SLC39A11: variants seen among roughly 807,000 people sequenced by gnomAD.
The protein encoded by SLC39A11 is solute carrier family 39 member 11.
A neutral mutation model predicts 36.1 loss-of-function variants in SLC39A11; 33 were observed. The observed-to-expected ratio is 0.91, with a 90% CI of 0.69 to 1.22. The LOEUF is 1.22. Ranked by LOEUF, SLC39A11 falls within the 50% of genes most tolerant of loss-of-function variation. The probability of loss-of-function intolerance (pLI) is 0.00; values close to 1 mark genes in which losing one functional copy is unlikely to be tolerated. For synonymous variants in SLC39A11, 166 were observed against 170.3 expected, an observed-to-expected ratio of 0.97 and a Z score of 0.20; for missense variants, 432 against 430.3, an observed-to-expected ratio of 1.00 and a Z score of -0.03.
chr17:72,781,096 C>G (rs1208281024), intron 6 of SLC39A11, among the ~76,000 whole-genome samples: 2 of 152,240 alleles, frequency 1.3e-5, no homozygotes, highest in African/African-American at 4.8e-5. Flanking sequence ...CCTTCGGTCT[C>G]TCTCCTCTTT....
intron 7 of SLC39A11, among the ~76,000 whole-genome samples, chr17:72,660,286 C>T (rs1404048122): frequency 1.3e-5 from 2 of 152,284 alleles, no homozygotes; most frequent in East Asian, 1.9e-4. Flanking sequence ...CGAGGTCCTC[C>T]GGCTAGAATA....
chr17:72,919,092 C>T (rs1051572721), intron 5 of SLC39A11, among the ~76,000 whole-genome samples: 4 of 151,966 alleles, frequency 2.6e-5, no homozygotes, highest in Admixed American at 6.6e-5. Context: ...AAATAAATCA[C>T]GCTCATAACC....
At chr17:72,896,077 G>A (rs749398874) in intron 5 of SLC39A11, among the ~76,000 whole-genome samples, 5 of 151,008 alleles carry the variant, frequency 3.3e-5, no homozygotes, top group East Asian at 1.9e-4. Context: ...CTATGAAAAC[G>A]GCATTCTGGT....
chr17:72,773,304 CTTGAA>C (rs1047502184), intron 6 of SLC39A11, among the ~76,000 whole-genome samples: 10 of 152,142 alleles, frequency 6.6e-5, no homozygotes, highest in African/African-American at 2.4e-4. Context: ...CAAATCTCAT[CTTGAA>C]TTGTAGTTCC....
chr17:72,971,719 C>T (rs2087471204), intron 4 of SLC39A11, among the ~76,000 whole-genome samples: 1 of 142,200 alleles, frequency 7.0e-6, no homozygotes, highest in Non-Finnish European at 1.5e-5. Flanking sequence ...TTGTTACTAG[C>T]ATATGCAACC....
At chr17:73,082,826 C>T (rs2060588247) in intron 3 of SLC39A11, among the ~76,000 whole-genome samples, 1 of 146,092 alleles carries the variant, frequency 6.8e-6, no homozygotes, top group African/African-American at 2.6e-5. Context: ...GCCTGGCCAA[C>T]ACGGCAAAAC....
intron 5 of SLC39A11, among the ~76,000 whole-genome samples, chr17:72,889,576 T>C (rs1260162550): frequency 6.6e-6 from 1 of 152,152 alleles, no homozygotes; most frequent in Non-Finnish European, 1.5e-5. Context: ...ATACTGCTTT[T>C]ATACATTCTG....
intron 5 of SLC39A11, among the ~76,000 whole-genome samples, chr17:72,904,654 T>G (rs116232312): frequency 5.3e-5 from 8 of 152,184 alleles, no homozygotes; most frequent in Non-Finnish European, 1.0e-4. Flanking sequence ...GGGCTCTAAC[T>G]GGGCCCCGGT....
chr17:72,947,387 G>C (rs1456051839), intron 5 of SLC39A11: 1 of 221,626 alleles, frequency 4.5e-6, no homozygotes, highest in African/African-American at 2.3e-5. Context: ...CAAATGAAAA[G>C]GAGTATTCAG....
chr17:72,667,549 G>A (rs936148816), intron 7 of SLC39A11, among the ~76,000 whole-genome samples: 13 of 152,192 alleles, frequency 8.5e-5, no homozygotes, highest in African/African-American at 1.9e-4. Context: ...TGGCCAGGAC[G>A]CCAGTGCCAG....
At chr17:72,927,538 G>C (rs1442510884) in intron 5 of SLC39A11, among the ~76,000 whole-genome samples, 1 of 152,140 alleles carries the variant, frequency 6.6e-6, no homozygotes, top group East Asian at 1.9e-4. Context: ...AAAACTCCCG[G>C]TGATTATAAG....
At chr17:72,804,829 G>A (rs1034040395) in intron 6 of SLC39A11, among the ~76,000 whole-genome samples, 1 of 152,130 alleles carries the variant, frequency 6.6e-6, no homozygotes, top group African/African-American at 2.4e-5. Flanking sequence ...AGACCATCCT[G>A]GCCAACATGG....
chr17:72,689,759 T>C (rs561833280), intron 7 of SLC39A11, among the ~76,000 whole-genome samples: 18 of 151,876 alleles, frequency 1.2e-4, no homozygotes, highest in African/African-American at 4.4e-4. Flanking sequence ...ATAGCAACGG[T>C]AGATGGATTT....
chr17:72,925,424 A>G (rs757342708), intron 5 of SLC39A11, among the ~76,000 whole-genome samples: 13 of 152,338 alleles, frequency 8.5e-5, no homozygotes, highest in Non-Finnish European at 1.5e-4. Flanking sequence ...GGAAGACTGT[A>G]GCAGACTGTA....
chr17:72,836,946 T>C (rs1400897678), intron 6 of SLC39A11, among the ~76,000 whole-genome samples: 3 of 152,298 alleles, frequency 2.0e-5, no homozygotes, highest in East Asian at 3.9e-4. Context: ...TGGAAAGGTC[T>C]GTACCTAACA....
chr17:72,648,467 T>C (rs553744102), intron 9 of SLC39A11, among the ~76,000 whole-genome samples: 2 of 152,124 alleles, frequency 1.3e-5, no homozygotes, highest in Admixed American at 1.3e-4. Context: ...TTCACTGACA[T>C]TTTAGAGCTC....
At chr17:72,842,102 G>GTGTGTGTGTGTGCGCA (rs1555592106) in intron 6 of SLC39A11, among the ~76,000 whole-genome samples, 6 of 151,168 alleles carry the variant, frequency 4.0e-5, no homozygotes, top group African/African-American at 1.5e-4. Context: ...GTGTGTGTGT[G>GTGTGTGTGTGTGCGCA]CACGCACGCG....
Position 72,646,738 on chromosome 17 carries a change from G to A in SLC39A11, c.*846C>T, listed in dbSNP as rs1316144130. On this transcript the variant is annotated 3_prime_UTR_variant, in exon 10 of 10. Transcript: ENST00000255559. ...TCTAGCAGTTTGCTGGTGTCTCCAAGTCTCTTAGAAACATGATGGCTATAA... is the reference window on the plus strand; with the variant it reads ...TCTAGCAGTTTGCTGGTGTCTCCAAATCTCTTAGAAACATGATGGCTATAA... 1 of 152,600 alleles carries A rather than the reference G, an allele frequency of 6.6e-6. No homozygotes were observed. Among genetic ancestry groups the A allele is most frequent in the African/African-American group, 2.4e-5 (1 of 41,440 alleles). The allele number at this position is 152,600 out of a possible 1,614,324, so 9.5% of individuals were successfully genotyped here.
At chr17:72,819,660 T>C (rs1425204635) in intron 6 of SLC39A11, among the ~76,000 whole-genome samples, 1 of 150,950 alleles carries the variant, frequency 6.6e-6, no homozygotes, top group Non-Finnish European at 1.5e-5. Flanking sequence ...CCTATGACAA[T>C]AACAATCACA....
Sources: allele counts gnomAD v4.1 joint callset (sites outside exome capture counted in the v4.1 genomes callset), GRCh38; gene constraint gnomAD v4.1.1; transcripts MANE v1.5; gene names NCBI Gene and HGNC (gene_info 2026-07-23, HGNC 2026-07-21).